The following ERBIN variants were observed in gnomAD, a reference collection of about 807,000 sequenced individuals.
ERBIN encodes the protein densin-180-like protein.
ERBIN carries 60 observed loss-of-function variants against 158.4 expected under a neutral mutation model. That is an observed-to-expected ratio of 0.38 (90% CI 0.31 to 0.47). The LOEUF is 0.47. Ranked by LOEUF, ERBIN falls within the 20% of genes least tolerant of loss-of-function variation. The pLI, the probability that ERBIN is intolerant of heterozygous loss-of-function variation, is 0.99. For missense variants in ERBIN, 1,610 were observed against 1,648.0 expected (o/e 0.98, Z 0.40); for synonymous variants, 594 against 557.2 (o/e 1.07, Z -0.93).
At chr5:66,078,352 T>C in intron 25 of ERBIN, 71 bp from the exon 26 acceptor site, 1 of 945,782 alleles carries the variant, frequency 1.1e-6, no homozygotes, top group Non-Finnish European at 1.6e-6. Context: ...TCCAAGTTTG[T>C]GAACTACTTG....
At chr5:66,008,224 G>A (rs1331873007) in intron 4 of ERBIN, among the ~76,000 whole-genome samples, 1 of 152,138 alleles carries the variant, frequency 6.6e-6, no homozygotes, top group African/African-American at 2.4e-5. Context: ...AGACCATCCT[G>A]GGTGACATGG....
chr5:65,973,788 G>C lies in ERBIN; in HGVS notation c.-57-14847G>C, dbSNP rs1749548870. 2.6e-5 allele frequency among the ~76,000 whole-genome samples: 4 copies of C among 151,318 alleles called. 1 individual carries two copies. Among genetic ancestry groups the C allele is most frequent in the South Asian group, 2.1e-4 (1 of 4,832 alleles). On this transcript the variant is annotated intron_variant, in intron 1 of 25. Coordinates refer to ENST00000284037, the MANE Select transcript of ERBIN (RefSeq NM_001253697.2). The stretch of plus-strand genomic sequence containing the variant: ...GTAAAGTTGTATAAAGGCAAATTGG[G>C]AATAGATTAAGGAGGTTTGGGGATT...
At position 66,053,997 on chromosome 5, in the gene ERBIN, G is replaced by C. The variant is rs1759321328; in HGVS notation, c.2679G>C (p.Gln893His). ...ATATTCTTAGTGATAATGGACCTCA[G>C]CAGCCAAGTACAACCGTTAAAATCA... is the stretch of plus-strand genomic sequence containing the variant. ...IYDILSDNGPQQPSTTVKITS... is the reference protein window; with the variant it reads ...IYDILSDNGPHQPSTTVKITS... Residue 893 changes from glutamine (Q) to histidine (H), a missense_variant, in exon 21 of 26, where the codon CAG (glutamine) becomes CAC (histidine). Around this residue, in one of 2 missense-constraint regions of ERBIN, gnomAD observed 1,014 missense variants for 936.1 expected, o/e 1.08. Transcript: ENST00000284037. 6.2e-7 allele frequency: 1 copy of C among 1,614,120 alleles called. No individual in the cohort carries two copies. The highest frequency in any genetic ancestry group is 1.1e-5 in the South Asian group (1 of 91,080).
chr5:66,049,787 T>TA lies in ERBIN; in HGVS notation c.1904-987dup, dbSNP rs933355221. Among the ~76,000 whole-genome samples the TA allele has an allele frequency of 3.6e-4, 55 of 151,682 alleles. 1 individual carries two copies. The highest frequency in any genetic ancestry group is 1.3e-3 in the African/African-American group (52 of 41,442). ...GTGATTTGGCTAGAATTCAGTTAGT[T>TA]AAAAAAAAATTTGTAGCACTACTTT... On this transcript the variant is annotated intron_variant, in intron 19 of 25. Coordinates refer to ENST00000284037, the MANE Select transcript of ERBIN (RefSeq NM_001253697.2).
intron 4 of ERBIN, among the ~76,000 whole-genome samples, chr5:66,002,776 A>C (rs1437015031): frequency 6.6e-6 from 1 of 152,356 alleles, no homozygotes. Context: ...GATTAAGAGG[A>C]TATTACAGAT....
At chr5:65,936,046 G>A (rs1452398379) in intron 1 of ERBIN, among the ~76,000 whole-genome samples, 3 of 151,766 alleles carry the variant, frequency 2.0e-5, no homozygotes, top group Admixed American at 1.3e-4. Context: ...ATATATTCAG[G>A]TTATATTGTT....
chr5:65,977,706 C>A (rs1042001528), intron 1 of ERBIN, among the ~76,000 whole-genome samples: 1 of 151,584 alleles, frequency 6.6e-6, no homozygotes, highest in Non-Finnish European at 1.5e-5. Context: ...CCTCACTTCC[C>A]AGACGATGGG....
intron 14 of ERBIN, among the ~76,000 whole-genome samples, chr5:66,034,349 G>T (rs925087659): frequency 6.6e-6 from 1 of 151,774 alleles, no homozygotes; most frequent in Admixed American, 6.6e-5. Flanking sequence ...GGGTGCAGTG[G>T]CTCCATCTTG....
chr5:66,012,158 T>C (rs761058821), intron 5 of ERBIN, 31 bp downstream of exon 5: 2 of 1,425,030 alleles, frequency 1.4e-6, no homozygotes, highest in East Asian at 2.3e-5. Flanking sequence ...TAAATTACTT[T>C]TGTGAATAAA....
At chr5:66,026,617 C>T (rs948480280) in intron 13 of ERBIN, among the ~76,000 whole-genome samples, 200 bp downstream of exon 13, 1 of 151,922 alleles carries the variant, frequency 6.6e-6, no homozygotes. Context: ...TTTCGTTCAT[C>T]AGTGTTATAA....
intron 1 of ERBIN, among the ~76,000 whole-genome samples, chr5:65,959,671 C>T (rs1290272293): frequency 1.3e-5 from 2 of 152,160 alleles, no homozygotes; most frequent in Non-Finnish European, 2.9e-5. Flanking sequence ...ATCTGGTTCT[C>T]AAATCGTATG....
intron 21 of ERBIN, among the ~76,000 whole-genome samples, chr5:66,060,011 T>C (rs1041756094): frequency 6.6e-6 from 1 of 152,208 alleles, no homozygotes; most frequent in Admixed American, 6.5e-5. Flanking sequence ...TTTTTGGTTG[T>C]GTCTCTGCCT....
At chr5:65,999,953 A>G (rs1561354781) in intron 4 of ERBIN, among the ~76,000 whole-genome samples, 1 of 152,212 alleles carries the variant, frequency 6.6e-6, no homozygotes, top group Non-Finnish European at 1.5e-5. Flanking sequence ...TTGTCATCAT[A>G]TCTACCTTTT....
intron 4 of ERBIN, among the ~76,000 whole-genome samples, chr5:66,006,795 A>G (rs1580327848): frequency 2.0e-5 from 3 of 152,150 alleles, no homozygotes; most frequent in African/African-American, 7.2e-5. Context: ...AAAAGTGCTC[A>G]TCATCACTGG....
chr5:66,046,972 G>T (rs771324266), intron 18 of ERBIN, among the ~76,000 whole-genome samples: 1 of 152,068 alleles, frequency 6.6e-6, no homozygotes, highest in Non-Finnish European at 1.5e-5. Context: ...GCTTTATTGA[G>T]ATATAACTCA....
At chr5:65,947,370 CAGGCACA>C (rs1745900374) in intron 1 of ERBIN, among the ~76,000 whole-genome samples, 1 of 152,138 alleles carries the variant, frequency 6.6e-6, no homozygotes, top group South Asian at 2.1e-4. Context: ...GCTGGGACTA[CAGGCACA>C]TGCCACCACG....
chr5:66,076,283 T>G, intron 23 of ERBIN, 33 bp from the exon 24 acceptor site: 1 of 1,554,626 alleles, frequency 6.4e-7, no homozygotes, highest in East Asian at 2.2e-5. Flanking sequence ...TTTTCTGAAA[T>G]AGTAAGTTTC....
At chr5:66,012,630 CAA>C (rs1754323041) in intron 5 of ERBIN, among the ~76,000 whole-genome samples, 1 of 152,154 alleles carries the variant, frequency 6.6e-6, no homozygotes, top group African/African-American at 2.4e-5. Context: ...TGACTGTAAA[CAA>C]AGTTTTCCTG....
At chr5:65,972,845 T>C (rs1749415701) in intron 1 of ERBIN, among the ~76,000 whole-genome samples, 1 of 151,312 alleles carries the variant, frequency 6.6e-6, no homozygotes, top group Admixed American at 6.6e-5. Context: ...CTAGCTTTCT[T>C]TGGAAGGTTT....
Sources: allele counts gnomAD v4.1 joint callset (sites outside exome capture counted in the v4.1 genomes callset), GRCh38; gene constraint gnomAD v4.1.1; regional missense constraint gnomAD v4.1.1; transcripts MANE v1.5; gene names NCBI Gene and HGNC (gene_info 2026-07-23, HGNC 2026-07-21).